MBD5: variants seen among roughly 807,000 people sequenced by gnomAD.
MBD5 encodes methyl-CpG-binding domain protein 5.
A neutral mutation model predicts 117.3 loss-of-function variants in MBD5; 13 were observed. The observed-to-expected ratio is 0.11, with a 90% CI of 0.07 to 0.18. MBD5 has a LOEUF of 0.18. Ranked by LOEUF, MBD5 falls within the 10% of genes least tolerant of loss-of-function variation. The pLI, the probability that MBD5 is intolerant of heterozygous loss-of-function variation, is 1.00. For synonymous variants in MBD5, 727 were observed against 766.4 expected (o/e 0.95, Z 0.85); for missense variants, 1,879 against 2,093.8 (o/e 0.90, Z 2.00).
At chr2:148,173,464 C>G (rs899694532) in intron 1 of MBD5, among the ~76,000 whole-genome samples, 2 of 152,218 alleles carry the variant, frequency 1.3e-5, no homozygotes, top group Non-Finnish European at 2.9e-5. Context: ...CCAGGCTCAC[C>G]CTTGGCAAGT....
intron 4 of MBD5, among the ~76,000 whole-genome samples, chr2:148,413,519 T>G (rs1338518061): frequency 1.3e-5 from 2 of 151,378 alleles, no homozygotes; most frequent in Admixed American, 1.3e-4. Context: ...CCTTTTTTTT[T>G]TTTTTGGAGT....
At chr2:148,424,143 A>G (rs1383140525) in intron 4 of MBD5, among the ~76,000 whole-genome samples, 2 of 125,006 alleles carry the variant, frequency 1.6e-5, no homozygotes, top group Non-Finnish European at 3.2e-5. Flanking sequence ...GCGCCACTGC[A>G]CTCCAGCCTG....
chr2:148,152,236 G>A (rs910650349), intron 1 of MBD5, among the ~76,000 whole-genome samples: 1 of 152,186 alleles, frequency 6.6e-6, no homozygotes, highest in Non-Finnish European at 1.5e-5. Context: ...CAGCTTCCAT[G>A]TAGTTGAGTG....
intron 4 of MBD5, among the ~76,000 whole-genome samples, chr2:148,368,243 G>A (rs1427239647): frequency 1.1e-4 from 16 of 151,948 alleles, no homozygotes; most frequent in Non-Finnish European, 1.3e-4. Context: ...ACCAAACACC[G>A]CATGTTCTCA....
intron 4 of MBD5, among the ~76,000 whole-genome samples, chr2:148,445,805 T>C (rs113501889): frequency 0.035 from 5,321 of 151,298 alleles, 534 homozygotes; most frequent in African/African-American, 0.12. Context: ...CCTGTTGTTT[T>C]CTGACTTTAA....
chr2:148,458,400 G>A lies in MBD5; in HGVS notation c.-359G>A. 9.5e-6 allele frequency: 5 copies of A among 527,566 alleles called. No individual in the cohort carries two copies. Among genetic ancestry groups the A allele is most frequent in the Admixed American group, 3.4e-5 (1 of 29,778 alleles). 32.7% of individuals were successfully genotyped at this position (527,566 alleles called of 1,614,324 possible). Reference sequence around the variant, plus strand: ...AGAGATTGTCTTAGTACAACATCAAGGTTCAAGACAAATGTTGAACTAAAA... The same window carrying A: ...AGAGATTGTCTTAGTACAACATCAAAGTTCAAGACAAATGTTGAACTAAAA... On this transcript the variant is annotated 5_prime_UTR_variant, in exon 5 of 14. Coordinates refer to ENST00000642680, the MANE Select transcript of MBD5 (RefSeq NM_001378120.1).
At chr2:148,148,601 T>A (rs1697537890) in intron 1 of MBD5, among the ~76,000 whole-genome samples, 1 of 152,218 alleles carries the variant, frequency 6.6e-6, no homozygotes, top group African/African-American at 2.4e-5. Flanking sequence ...TTTATTAATA[T>A]TCTCCCTAGT....
chr2:148,475,436 C>G (rs1680932122), intron 8 of MBD5, among the ~76,000 whole-genome samples: 1 of 151,576 alleles, frequency 6.6e-6, no homozygotes. Flanking sequence ...TTACTTATTC[C>G]AGGTTTAACG....
At chr2:148,107,961 TA>T (rs1696411813) in intron 1 of MBD5, among the ~76,000 whole-genome samples, 1 of 152,194 alleles carries the variant, frequency 6.6e-6, no homozygotes, top group African/African-American at 2.4e-5. Context: ...AGGATCACTT[TA>T]AATTGTTAGC....
At position 148,401,859 on chromosome 2, in the gene MBD5, G is replaced by A. The variant is rs570844833; in HGVS notation, c.-556-56344G>A. Among the ~76,000 whole-genome samples the A allele has an allele frequency of 3.9e-5, 6 of 152,106 alleles. No individual in the cohort carries two copies. In the South Asian group the frequency reaches 6.2e-4, roughly 16 times the overall value. ...ATGTCTCCATCATCTCCTCCAATCTGTTAGAATTCTTCAGTCTCTCCTTAC... is the reference window on the plus strand; with the variant it reads ...ATGTCTCCATCATCTCCTCCAATCTATTAGAATTCTTCAGTCTCTCCTTAC... On this transcript the variant is annotated intron_variant, in intron 4 of 13. Coordinates refer to ENST00000642680, the MANE Select transcript of MBD5 (RefSeq NM_001378120.1).
At chr2:148,370,797 A>AT (rs1308568922) in intron 4 of MBD5, among the ~76,000 whole-genome samples, 2 of 152,174 alleles carry the variant, frequency 1.3e-5, no homozygotes, top group South Asian at 2.1e-4. Context: ...TGATAGCCTA[A>AT]TTTTTTTAAA....
At chr2:148,341,913 A>T (rs1428958717) in intron 3 of MBD5, among the ~76,000 whole-genome samples, 46 of 152,066 alleles carry the variant, frequency 3.0e-4, no homozygotes, top group Non-Finnish European at 4.4e-5. Context: ...GTGTCTGGGT[A>T]GATAGTAGAT....
At chr2:148,402,155 A>G (rs1449745002) in intron 4 of MBD5, among the ~76,000 whole-genome samples, 4 of 152,136 alleles carry the variant, frequency 2.6e-5, no homozygotes, top group Non-Finnish European at 2.9e-5. Context: ...TTTGTCATTA[A>G]TAACTATGTG....
intron 3 of MBD5, among the ~76,000 whole-genome samples, chr2:148,285,048 C>G (rs998211393): frequency 6.6e-6 from 1 of 152,188 alleles, no homozygotes; most frequent in African/African-American, 2.4e-5. Context: ...ACCACAGCAG[C>G]TGTCTGGTCC....
chr2:148,064,485 A>G (rs781440106), intron 1 of MBD5, among the ~76,000 whole-genome samples: 1 of 152,096 alleles, frequency 6.6e-6, no homozygotes, highest in Non-Finnish European at 1.5e-5. Flanking sequence ...ACCAGATGAG[A>G]TTATCTAGAA....
At chr2:148,452,996 A>T (rs1033631976) in intron 4 of MBD5, among the ~76,000 whole-genome samples, 2 of 152,232 alleles carry the variant, frequency 1.3e-5, no homozygotes, top group African/African-American at 4.8e-5. Flanking sequence ...TTGACTAATT[A>T]GAATATGCAC....
Position 148,021,625 on chromosome 2 carries a change from A to C in MBD5, c.-984A>C. The C allele has an allele frequency of 4.5e-6, 2 of 443,874 alleles. No individual in the cohort carries two copies. The highest frequency in any genetic ancestry group is 4.4e-6 in the Non-Finnish European group (1 of 225,234). 27.5% of individuals were successfully genotyped at this position (443,874 alleles called of 1,614,324 possible). A position where few individuals can be genotyped will look rare whatever the true frequency, so the allele number is the denominator to read the frequency against. On this transcript the variant is annotated 5_prime_UTR_variant, in exon 1 of 14. Transcript: ENST00000642680. ...TCCTCCTCCACTCCCCCCCTTTATT[A>C]CCCTTTGTGTCATCCTCCACAGCTC...
chr2:148,377,894 G>T (rs985687812), intron 4 of MBD5, among the ~76,000 whole-genome samples: 4 of 152,164 alleles, frequency 2.6e-5, no homozygotes, highest in Non-Finnish European at 5.9e-5. Flanking sequence ...CAGAAATTTG[G>T]TTAGTTGGGT....
At chr2:148,280,707 G>C (rs1701227881) in intron 3 of MBD5, among the ~76,000 whole-genome samples, 1 of 152,160 alleles carries the variant, frequency 6.6e-6, no homozygotes, top group South Asian at 2.1e-4. Flanking sequence ...TGGGTTTACA[G>C]GCATGAGCCA....
Sources: allele counts gnomAD v4.1 joint callset (sites outside exome capture counted in the v4.1 genomes callset), GRCh38; gene constraint gnomAD v4.1.1; transcripts MANE v1.5; gene names NCBI Gene and HGNC (gene_info 2026-07-23, HGNC 2026-07-21).